CNTNAP5: variants seen among roughly 807,000 people sequenced by gnomAD.
The protein encoded by CNTNAP5 is contactin-associated protein-like 5.
CNTNAP5 carries 72 observed loss-of-function variants against 150.2 expected under a neutral mutation model. The ratio of observed to expected loss-of-function variants is 0.48; its 90% CI spans 0.40 to 0.58. The LOEUF (loss-of-function observed/expected upper bound fraction) is 0.58. CNTNAP5 is among the 20% of genes least tolerant of loss of function. CNTNAP5 has a pLI of 0.00. For missense variants in CNTNAP5, 1,636 were observed against 1,626.2 expected, an observed-to-expected ratio of 1.01 and a Z score of -0.10; for synonymous variants, 672 against 619.8, an observed-to-expected ratio of 1.08 and a Z score of -1.25.
chr2:124,145,703 G>A (rs1378450247), intron 1 of CNTNAP5, among the ~76,000 whole-genome samples: 1 of 131,452 alleles, frequency 7.6e-6, no homozygotes, highest in Middle Eastern at 3.5e-3. Context: ...TAGATCACAC[G>A]TTAGTGGGTG....
chr2:124,705,413 A>T (rs1679614136), intron 13 of CNTNAP5, among the ~76,000 whole-genome samples: 1 of 152,178 alleles, frequency 6.6e-6, no homozygotes, highest in African/African-American at 2.4e-5. Flanking sequence ...CTGTAATCCC[A>T]GCTACTAGGG....
chr2:124,684,230 G>T (rs190689294), intron 13 of CNTNAP5, among the ~76,000 whole-genome samples: 4 of 152,092 alleles, frequency 2.6e-5, no homozygotes, highest in Admixed American at 2.6e-4. Flanking sequence ...CAAAGCCAGC[G>T]GAGTGCTGTT....
chr2:124,624,465 A>T, intron 12 of CNTNAP5, among the ~76,000 whole-genome samples: 1 of 152,028 alleles, frequency 6.6e-6, no homozygotes, highest in African/African-American at 2.4e-5. Context: ...TCATTTGTTA[A>T]TTCTCTCATT....
chr2:124,503,363 C>T (rs1342294399), intron 7 of CNTNAP5, among the ~76,000 whole-genome samples: 1 of 152,178 alleles, frequency 6.6e-6, no homozygotes, highest in Non-Finnish European at 1.5e-5. Flanking sequence ...GAGAACTGTA[C>T]TGCGTATCTA....
At chr2:124,505,317 G>C (rs947063806) in intron 8 of CNTNAP5, among the ~76,000 whole-genome samples, 4 of 152,120 alleles carry the variant, frequency 2.6e-5, no homozygotes, top group Admixed American at 2.0e-4. Flanking sequence ...GTTCCTAAGT[G>C]ATGGAGCTGG....
At chr2:124,303,175 T>G (rs966255044) in intron 3 of CNTNAP5, among the ~76,000 whole-genome samples, 1 of 152,122 alleles carries the variant, frequency 6.6e-6, no homozygotes, top group African/African-American at 2.4e-5. Context: ...TTTTTCATTT[T>G]TTCTAAGCCC....
chr2:124,272,004 T>C (rs1156654249), intron 3 of CNTNAP5, among the ~76,000 whole-genome samples: 3 of 152,112 alleles, frequency 2.0e-5, no homozygotes, highest in African/African-American at 7.2e-5. Flanking sequence ...CGGGAGCCAC[T>C]GTGCCTGGCC....
chr2:124,403,928 C>T (rs377707624), intron 3 of CNTNAP5, among the ~76,000 whole-genome samples: 1 of 152,144 alleles, frequency 6.6e-6, no homozygotes, highest in Non-Finnish European at 1.5e-5. Flanking sequence ...TATCAGGTCT[C>T]GTGAGACTTA....
Position 124,453,742 on chromosome 2 carries a change from C to G in CNTNAP5, c.918+6805C>G, listed in dbSNP as rs182820835. ...GGGCCTTATCTTCAACTTCCACAAA[C>G]AAAACAATTATCAGCCAAGAATTTT... On this transcript the variant is annotated intron_variant, in intron 6 of 23. Transcript: ENST00000682447. Among the ~76,000 whole-genome samples the G allele has an allele frequency of 8.5e-5, 13 of 152,208 alleles. No homozygotes were observed. In the East Asian group the frequency reaches 2.5e-3, roughly 29 times the overall value.
Position 124,772,926 on chromosome 2 carries a change from C to G in CNTNAP5, c.2661C>G (p.Thr887=). The change falls in exon 17 of 24, where the codon ACC becomes ACG. Residue 887 remains threonine (T), a synonymous_variant. Transcript: ENST00000682447. ...YVRAERNLKE[T]SLQVDNLPRS... Reference sequence around the variant, plus strand: ...GGGCTGAGAGGAACCTCAAGGAGACCTCCCTGCAGGTGGACAACCTTCCAA... The same window carrying G: ...GGGCTGAGAGGAACCTCAAGGAGACGTCCCTGCAGGTGGACAACCTTCCAA... 1.2e-6 allele frequency: 2 copies of G among 1,613,728 alleles called. No homozygotes were observed. Among genetic ancestry groups the G allele is most frequent in the Non-Finnish European group, 1.7e-6 (2 of 1,179,732 alleles).
intron 13 of CNTNAP5, among the ~76,000 whole-genome samples, chr2:124,699,006 C>T (rs1466475469): frequency 3.3e-5 from 5 of 152,128 alleles, no homozygotes; most frequent in Non-Finnish European, 7.3e-5. Context: ...AGCCACTAAC[C>T]ATCATTTGAA....
intron 1 of CNTNAP5, among the ~76,000 whole-genome samples, chr2:124,132,953 A>G (rs4591345): frequency 0.44 from 66,220 of 151,968 alleles, 14,833 homozygotes; most frequent in Admixed American, 0.54. Flanking sequence ...ATGCAGCTCT[A>G]TTCACATTTC....
At chr2:124,532,544 G>T (rs1215378454) in intron 10 of CNTNAP5, among the ~76,000 whole-genome samples, 1 of 152,138 alleles carries the variant, frequency 6.6e-6, no homozygotes, top group Non-Finnish European at 1.5e-5. Context: ...AAGGTGTGAA[G>T]CCAAACCAGG....
At chr2:124,896,604 T>C (rs529939697) in intron 21 of CNTNAP5, among the ~76,000 whole-genome samples, 2 of 151,448 alleles carry the variant, frequency 1.3e-5, no homozygotes, top group Admixed American at 6.6e-5. Flanking sequence ...AGTGGCCCAA[T>C]CTCAGCTCAC....
intron 13 of CNTNAP5, among the ~76,000 whole-genome samples, chr2:124,650,546 A>G (rs1432732845): frequency 3.3e-5 from 5 of 152,182 alleles, no homozygotes; most frequent in Admixed American, 2.0e-4. Flanking sequence ...TCCCTTCCCA[A>G]GAGGAAGCCC....
intron 3 of CNTNAP5, among the ~76,000 whole-genome samples, chr2:124,325,350 T>A (rs970413357): frequency 2.0e-5 from 3 of 152,180 alleles, no homozygotes; most frequent in African/African-American, 7.2e-5. Context: ...TATTTTATTA[T>A]ATAAACTTGA....
chr2:124,184,056 A>G (rs1685270933), intron 1 of CNTNAP5, among the ~76,000 whole-genome samples: 1 of 152,164 alleles, frequency 6.6e-6, no homozygotes, highest in Non-Finnish European at 1.5e-5. Context: ...ACATTTGCTA[A>G]GTTGCAACTA....
intron 18 of CNTNAP5, among the ~76,000 whole-genome samples, chr2:124,791,738 A>T (rs1214155813): frequency 1.5e-5 from 2 of 135,674 alleles, no homozygotes; most frequent in African/African-American, 2.8e-5. Context: ...AACCATTCAT[A>T]CTAATTTTCT....
intron 2 of CNTNAP5, among the ~76,000 whole-genome samples, chr2:124,237,648 C>T (rs553215975): frequency 4.6e-5 from 7 of 152,152 alleles, no homozygotes; most frequent in Middle Eastern, 6.8e-3. Context: ...AGCAGTCTGG[C>T]CAACATGGTG....
Sources: gnomAD v4.1 joint callset for allele counts (sites outside exome capture counted in the v4.1 genomes callset) on GRCh38, gnomAD v4.1.1 for gene constraint, MANE v1.5 for transcripts, NCBI Gene and HGNC (gene_info 2026-07-23, HGNC 2026-07-21) for gene names.